THADA: variants seen among roughly 807,000 people sequenced by gnomAD.
THADA encodes THADA armadillo repeat containing.
A neutral mutation model predicts 219.8 loss-of-function variants in THADA; 213 were observed. That is an observed-to-expected ratio of 0.97 (90% CI 0.87 to 1.09). The LOEUF is 1.09. THADA is among the 50% of genes least tolerant of loss of function. The probability of loss-of-function intolerance (pLI) is 0.00; values close to 1 mark genes in which losing one functional copy is unlikely to be tolerated. For missense variants in THADA, 2,956 were observed against 2,311.3 expected (o/e 1.28, Z -5.72); for synonymous variants, 1,018 against 828.9 (o/e 1.23, Z -3.92).
chr2:43,279,244 C>T (rs766148633), intron 36 of THADA, among the ~76,000 whole-genome samples: 6 of 152,288 alleles, frequency 3.9e-5, no homozygotes, highest in Non-Finnish European at 7.4e-5. Context: ...TTTCCACTCC[C>T]CTCCTCCCTC....
At position 43,430,298 on chromosome 2, in the gene THADA, T is replaced by G; in HGVS notation, c.3841A>C (p.Thr1281Pro). 6.5e-7 allele frequency: 1 copy of G among 1,536,424 alleles called. No individual in the cohort carries two copies. The highest frequency in any genetic ancestry group is 8.8e-7 in the Non-Finnish European group (1 of 1,140,282). Reference protein sequence around the residue: ...KDEHSKTNRMTGREFFSRFPE... With the variant: ...KDEHSKTNRMPGREFFSRFPE... ...AAACGAGAGAAAAACTCTCTCCCTG[T>G]CATTCTGTGAAAGAAGGAGGAAAAA... Residue 1281 changes from threonine to proline, a missense_variant, in exon 27 of 38, where the codon ACA becomes CCA. Physicochemically the swap from Thr to Pro is conservative, Grantham distance 38 (BLOSUM62 -1). Transcript: ENST00000405975.
intron 22 of THADA, among the ~76,000 whole-genome samples, chr2:43,514,692 AATAT>A (rs1223360327): frequency 2.8e-5 from 2 of 71,212 alleles, no homozygotes; most frequent in Non-Finnish European, 4.8e-5. Context: ...TATTATATAT[AATAT>A]ATATAATATA....
Position 43,572,860 on chromosome 2 carries a change from A to G in THADA, c.1862T>C (p.Val621Ala). 1 of 1,613,940 alleles carries G rather than the reference A, an allele frequency of 6.2e-7. No homozygotes were observed. The highest frequency in any genetic ancestry group is 2.2e-5 in the East Asian group (1 of 44,870). ...QSATDTWENL[V>A]SDARIKQGLI... Reference sequence around the variant, plus strand: ...GCCTTGCTTTATTCTTGCATCAGACACGAGGTTCTCCCAGGTATCAGTTGC... The same window carrying G: ...GCCTTGCTTTATTCTTGCATCAGACGCGAGGTTCTCCCAGGTATCAGTTGC... The change falls in exon 12 of 38, where the codon GTG becomes GCG. Residue 621 changes from valine to alanine, a missense_variant. Physicochemically the swap from Val to Ala is moderately conservative, Grantham distance 64. Coordinates refer to ENST00000405975, the MANE Select transcript of THADA (RefSeq NM_022065.5).
chr2:43,556,214 T>C, intron 17 of THADA, 131 bp downstream of exon 17: 4 of 1,476,796 alleles, frequency 2.7e-6, no homozygotes, highest in South Asian at 1.4e-5. Flanking sequence ...TGAGAACCCA[T>C]GGTGCTCTTA....
intron 26 of THADA, among the ~76,000 whole-genome samples, chr2:43,445,463 A>G (rs1221674720): frequency 1.3e-5 from 2 of 152,226 alleles, no homozygotes; most frequent in Non-Finnish European, 2.9e-5. Context: ...AAGAGATGTC[A>G]GGAGTCCCGT....
intron 34 of THADA, among the ~76,000 whole-genome samples, chr2:43,289,613 C>G (rs1234998053): frequency 6.6e-6 from 1 of 152,148 alleles, no homozygotes; most frequent in Admixed American, 6.5e-5. Context: ...TGTTAGGCTG[C>G]CTGGTGACTT....
chr2:43,339,736 T>G (rs377172009), intron 30 of THADA, among the ~76,000 whole-genome samples: 1 of 152,286 alleles, frequency 6.6e-6, no homozygotes. Context: ...AATATAATAC[T>G]AATTACAACT....
chr2:43,313,904 T>A lies in THADA; in HGVS notation c.4438+6542A>T, dbSNP rs557394416. 2.0e-5 allele frequency among the ~76,000 whole-genome samples: 3 copies of A among 152,348 alleles called. No individual in the cohort carries two copies. In the East Asian group the frequency reaches 5.8e-4, roughly 29 times the overall value. On this transcript the variant is annotated intron_variant, in intron 31 of 37. Transcript: ENST00000405975. ...CTGGAGAGCTCAGGATCTGCCACCTTAGCACACATGGGATGTTAGGCACTT... is the reference window on the plus strand; with the variant it reads ...CTGGAGAGCTCAGGATCTGCCACCTAAGCACACATGGGATGTTAGGCACTT...
chr2:43,298,866 C>T (rs1558542331), intron 31 of THADA, among the ~76,000 whole-genome samples: 1 of 152,160 alleles, frequency 6.6e-6, no homozygotes, highest in African/African-American at 2.4e-5. Context: ...TCTTGACCTA[C>T]ACTGCCTGTG....
chr2:43,286,118 A>G (rs1395482302), intron 35 of THADA, among the ~76,000 whole-genome samples: 1 of 152,182 alleles, frequency 6.6e-6, no homozygotes, highest in African/African-American at 2.4e-5. Flanking sequence ...GGCCTCCCAG[A>G]AGAGGGGACA....
chr2:43,253,560 A>T (rs769737426), intron 36 of THADA, among the ~76,000 whole-genome samples: 3 of 151,920 alleles, frequency 2.0e-5, no homozygotes, highest in Non-Finnish European at 2.9e-5. Context: ...GTTTTTCCTT[A>T]TGTGGGTTTC....
intron 36 of THADA, among the ~76,000 whole-genome samples, chr2:43,250,240 G>A (rs1053941210): frequency 2.6e-5 from 4 of 152,220 alleles, no homozygotes; most frequent in African/African-American, 9.6e-5. Flanking sequence ...AACTAAAAGT[G>A]CTGATTCACG....
intron 20 of THADA, among the ~76,000 whole-genome samples, chr2:43,547,922 T>C (rs1031756364): frequency 6.6e-6 from 1 of 152,198 alleles, no homozygotes; most frequent in African/African-American, 2.4e-5. Flanking sequence ...CTGCATTCCT[T>C]TGGAGGAGGA....
At chr2:43,387,555 G>A (rs1672842029) in intron 29 of THADA, among the ~76,000 whole-genome samples, 1 of 152,112 alleles carries the variant, frequency 6.6e-6, no homozygotes, top group Admixed American at 6.5e-5. Context: ...GGTGGTTGCT[G>A]GTATTTAAGA....
intron 22 of THADA, among the ~76,000 whole-genome samples, chr2:43,512,190 G>A (rs1690561027): frequency 6.6e-6 from 1 of 152,152 alleles, no homozygotes; most frequent in South Asian, 2.1e-4. Flanking sequence ...TGAGCTCTGG[G>A]AAATGCTCAA....
intron 31 of THADA, among the ~76,000 whole-genome samples, chr2:43,310,222 T>C (rs1457343304): frequency 2.6e-4 from 17 of 64,564 alleles, no homozygotes; most frequent in African/African-American, 7.1e-4. Context: ...TCCCTCCCTT[T>C]CCCGCCCCCC....
chr2:43,386,063 T>G (rs1233292210), intron 29 of THADA, among the ~76,000 whole-genome samples: 2 of 152,118 alleles, frequency 1.3e-5, no homozygotes. Flanking sequence ...GTAAAACATC[T>G]GATATCTGAT....
intron 36 of THADA, among the ~76,000 whole-genome samples, chr2:43,259,037 C>T (rs1230742533): frequency 6.6e-6 from 1 of 152,010 alleles, no homozygotes; most frequent in Non-Finnish European, 1.5e-5. Flanking sequence ...AAATGAAACA[C>T]AGTCTGTAAG....
chr2:43,245,569 T>A (rs1250767232), intron 36 of THADA, among the ~76,000 whole-genome samples: 4 of 152,180 alleles, frequency 2.6e-5, no homozygotes, highest in African/African-American at 9.7e-5. Context: ...CTGGCCCTCA[T>A]TGTCACCTGC....
Sources: allele counts gnomAD v4.1 joint callset (sites outside exome capture counted in the v4.1 genomes callset), GRCh38; gene constraint gnomAD v4.1.1; transcripts MANE v1.5; gene names NCBI Gene and HGNC (gene_info 2026-07-23, HGNC 2026-07-21).